The following NDUFB3 variants were observed in gnomAD, a reference collection of about 807,000 sequenced individuals.
The protein encoded by NDUFB3 is NADH dehydrogenase [ubiquinone] 1 beta subcomplex subunit 3.
In NDUFB3, 7 loss-of-function variants were observed where a neutral mutation model predicts 9.0. That is an observed-to-expected ratio of 0.78 (90% confidence interval 0.44 to 1.46). The LOEUF is 1.46. Ranked by LOEUF, NDUFB3 falls within the 40% of genes most tolerant of loss-of-function variation. NDUFB3 has a pLI of 0.01. For missense variants in NDUFB3, 93 were observed against 115.4 expected (o/e 0.81, Z 0.89); for synonymous variants, 29 against 38.5 (o/e 0.75, Z 0.91).
At chr2:201,075,004 C>T (rs919081937) in intron 1 of NDUFB3, among the ~76,000 whole-genome samples, 5 of 151,836 alleles carry the variant, frequency 3.3e-5, no homozygotes, top group African/African-American at 9.7e-5. Flanking sequence ...TTACAGGTCA[C>T]GATATCATTG....
At chr2:201,084,547 G>A (rs945451714) in intron 2 of NDUFB3, among the ~76,000 whole-genome samples, 1 of 152,160 alleles carries the variant, frequency 6.6e-6, no homozygotes, top group Non-Finnish European at 1.5e-5. Context: ...TGAGGTGGAA[G>A]AATCACTTGA....
At chr2:201,075,197 A>G (rs960920654) in intron 1 of NDUFB3, among the ~76,000 whole-genome samples, 2 of 150,818 alleles carry the variant, frequency 1.3e-5, no homozygotes, top group Admixed American at 6.6e-5. Flanking sequence ...AAAAAAAAAG[A>G]AAAAGAAAAA....
At chr2:201,072,915 T>C (rs895913234) in intron 1 of NDUFB3, among the ~76,000 whole-genome samples, 6 of 152,080 alleles carry the variant, frequency 3.9e-5, no homozygotes, top group Non-Finnish European at 7.4e-5. Flanking sequence ...GGGTTGAAAA[T>C]TGGTGGGGCC....
At chr2:201,082,253 G>A (rs929211861) in intron 2 of NDUFB3, among the ~76,000 whole-genome samples, 3 of 151,390 alleles carry the variant, frequency 2.0e-5, no homozygotes, top group Non-Finnish European at 2.9e-5. Flanking sequence ...CAGGCCTGGC[G>A]TTGTTTGTTT....
At chr2:201,085,172 T>C (rs1371138816) in intron 2 of NDUFB3, among the ~76,000 whole-genome samples, 1 of 152,242 alleles carries the variant, frequency 6.6e-6, no homozygotes, top group African/African-American at 2.4e-5. Flanking sequence ...CCATCTGACC[T>C]GTGACAGATA....
At chr2:201,074,286 T>G (rs1265496016) in intron 1 of NDUFB3, among the ~76,000 whole-genome samples, 1 of 151,916 alleles carries the variant, frequency 6.6e-6, no homozygotes, top group East Asian at 1.9e-4. Flanking sequence ...TAATAACGAT[T>G]TGATCATCTG....
chr2:201,082,699 CTTTT>C (rs1170018569), intron 2 of NDUFB3, among the ~76,000 whole-genome samples: 2 of 100,416 alleles, frequency 2.0e-5, no homozygotes, highest in Non-Finnish European at 3.7e-5. Context: ...GCTAAATTCA[CTTTT>C]TTTTTTTTTT....
chr2:201,082,668 G>A (rs536245725), intron 2 of NDUFB3, among the ~76,000 whole-genome samples: 5 of 147,624 alleles, frequency 3.4e-5, no homozygotes, highest in Middle Eastern at 3.5e-3. Context: ...TTTATATGTT[G>A]AGTTTATATC....
rs532880017 is a variant in NDUFB3, at chr2:201,085,286, CTT to C, written c.141-172_141-171del. ...TTATTCTTCTATTTTATATGTGAAA[CTT>C]GGGCATATACTTAATTATCCTATGC... On this transcript the variant is annotated intron_variant, in intron 2 of 2. Transcript: ENST00000237889. 2.6e-5 allele frequency among the ~76,000 whole-genome samples: 4 copies of C among 152,280 alleles called. No homozygotes were observed. The East Asian group carries it at 7.7e-4, about 29-fold the overall frequency.
rs58130221 is a variant in NDUFB3, at chr2:201,080,699, C to CTT, written c.140+1699_140+1700dup. ...AAATTACATAGCATAAGATCTCCAACTTTTTTTTTTTTTTTTTTTTTTTGA... is the reference window on the plus strand; with the variant it reads ...AAATTACATAGCATAAGATCTCCAACTTTTTTTTTTTTTTTTTTTTTTTTTGA... On this transcript the variant is annotated intron_variant, in intron 2 of 2. Transcript: ENST00000237889. 8.5e-3 allele frequency among the ~76,000 whole-genome samples: 845 copies of CTT among 99,006 alleles called. 2 individuals carry two copies. Among genetic ancestry groups the CTT allele is most frequent in the East Asian group, 0.013 (44 of 3,408 alleles). The allele number at this position is 99,006 out of a possible 152,430, so 65.0% of individuals were successfully genotyped here. A position where few individuals can be genotyped will look rare whatever the true frequency, so the allele number is the denominator to read the frequency against.
intron 1 of NDUFB3, among the ~76,000 whole-genome samples, chr2:201,077,935 G>C (rs564431719): frequency 4.7e-4 from 72 of 152,180 alleles, no homozygotes; most frequent in African/African-American, 1.7e-3. Context: ...TTTAAAACAG[G>C]ATGTATAACC....
At chr2:201,077,995 A>G (rs2047183100) in intron 1 of NDUFB3, among the ~76,000 whole-genome samples, 1 of 152,144 alleles carries the variant, frequency 6.6e-6, no homozygotes, top group Admixed American at 6.6e-5. Context: ...AAGGAAAACA[A>G]TATTGCTTAG....
chr2:201,084,333 C>T (rs2047265163), intron 2 of NDUFB3, among the ~76,000 whole-genome samples: 3 of 149,808 alleles, frequency 2.0e-5, no homozygotes. Flanking sequence ...TGGTGGCGGG[C>T]ACCTATAATC....
intron 1 of NDUFB3, among the ~76,000 whole-genome samples, chr2:201,075,883 A>G (rs1001139573): frequency 6.6e-6 from 1 of 152,186 alleles, no homozygotes; most frequent in Non-Finnish European, 1.5e-5. Flanking sequence ...ACTCAGGTTG[A>G]TATTCTAGAA....
In NDUFB3 at chr2:201,075,076, T is replaced by C. The variant is rs78352242; in HGVS notation, c.-3+3017T>C. On this transcript the variant is annotated intron_variant, in intron 1 of 2. Transcript: ENST00000237889. ...AAAAAGAAAAATGGGCCAGGTGCCATGGCTCACGCCTGTAGTCCCAATATT... is the reference window on the plus strand; with the variant it reads ...AAAAAGAAAAATGGGCCAGGTGCCACGGCTCACGCCTGTAGTCCCAATATT... Among the ~76,000 whole-genome samples, 1,127 of 150,836 alleles carry C rather than the reference T, an allele frequency of 7.5e-3. 19 individuals carry two copies. Among genetic ancestry groups the C allele is most frequent in the African/African-American group, 0.027 (1,089 of 41,056 alleles).
rs1490374283 is a variant in NDUFB3, at chr2:201,085,545, C to A, written c.227C>A (p.Ala76Asp). 1.2e-6 allele frequency: 2 copies of A among 1,612,114 alleles called. No homozygotes were observed. The highest frequency in any genetic ancestry group is 1.7e-6 in the Non-Finnish European group (2 of 1,179,188). ...TTTAAAGGATTCAAATGGGGATTTGCTGCATTTGTGGTAGCTGTAGGAGCT... is the reference window on the plus strand; with the variant it reads ...TTTAAAGGATTCAAATGGGGATTTGATGCATTTGTGGTAGCTGTAGGAGCT... ...VFFKGFKWGFAAFVVAVGAEY... is the reference protein window; with the variant it reads ...VFFKGFKWGFDAFVVAVGAEY... Residue 76 changes from alanine (A) to aspartate (D), a missense_variant, in exon 3 of 3, where the codon GCT (alanine) becomes GAT (aspartate). Ala to Asp is a moderately radical substitution (Grantham distance 126). Coordinates refer to ENST00000237889, the MANE Select transcript of NDUFB3 (RefSeq NM_002491.3).
intron 1 of NDUFB3, among the ~76,000 whole-genome samples, chr2:201,073,929 C>T (rs1165023198): frequency 1.3e-5 from 2 of 151,844 alleles, no homozygotes; most frequent in Non-Finnish European, 2.9e-5. Context: ...CCAAATTGTT[C>T]CAAAGACACT....
intron 2 of NDUFB3, among the ~76,000 whole-genome samples, chr2:201,084,118 G>A (rs926742382): frequency 3.3e-5 from 5 of 152,022 alleles, no homozygotes; most frequent in Non-Finnish European, 5.9e-5. Context: ...GTGAAACCCC[G>A]TCTCTACTAA....
intron 1 of NDUFB3, among the ~76,000 whole-genome samples, chr2:201,074,693 T>C (rs2047141015): frequency 6.6e-6 from 1 of 152,118 alleles, no homozygotes; most frequent in African/African-American, 2.4e-5. Flanking sequence ...TGGCCTCAAG[T>C]GATCCACCTG....
Sources: gnomAD v4.1 joint callset for allele counts (sites outside exome capture counted in the v4.1 genomes callset) on GRCh38, gnomAD v4.1.1 for gene constraint, MANE v1.5 for transcripts, NCBI Gene and HGNC (gene_info 2026-07-23, HGNC 2026-07-21) for gene names.